Variants in PARN observed in about 807,000 individuals in gnomAD.
The protein encoded by PARN is poly(A)-specific ribonuclease PARN.
Under a neutral mutation model 102.8 loss-of-function variants are expected in PARN, and 71 were observed. The ratio of observed to expected loss-of-function variants is 0.69; its 90% CI spans 0.57 to 0.84. PARN has a LOEUF of 0.84. Among genes scored for constraint, PARN ranks in the 40% least tolerant of loss-of-function variants. The pLI, the probability that PARN is intolerant of heterozygous loss-of-function variation, is 0.00. For synonymous variants in PARN, 261 were observed against 252.9 expected (o/e 1.03, Z -0.30); for missense variants, 782 against 760.9 (o/e 1.03, Z -0.33).
intron 1 of PARN, 26 bp downstream of exon 1, chr16:14,630,081 C>A (rs911453321): frequency 2.6e-6 from 4 of 1,550,446 alleles, no homozygotes; most frequent in Non-Finnish European, 3.5e-6. Context: ...TGTGGGGAGG[C>A]GGGGAGGTGT....
At position 14,582,271 on chromosome 16, in the gene PARN, T is replaced by C. The variant is rs138984302; in HGVS notation, c.1102A>G (p.Ser368Gly). 2 of 1,613,396 alleles carry C rather than the reference T, an allele frequency of 1.2e-6. No individual in the cohort carries two copies. Among genetic ancestry groups the C allele is most frequent in the Admixed American group, 1.7e-5 (1 of 60,000 alleles). The change falls in exon 17 of 24, where the codon AGT becomes GGT. Residue 368 changes from serine (S) to glycine (G), a missense_variant. Physicochemically the swap from Ser to Gly is moderately conservative, Grantham distance 56 (BLOSUM62 0). Transcript: ENST00000437198. Reference protein sequence around the residue: ...PKVESAEGFPSYDTASEQLHE... With the variant: ...PKVESAEGFPGYDTASEQLHE... ...AGTTGTTCAGAGGCTGTGTCATAAC[T>C]TGGAAAACCTTCGGCACTTTCTAAG...
chr16:14,560,502 T>C (rs1201354594), intron 18 of PARN, among the ~76,000 whole-genome samples: 1 of 152,224 alleles, frequency 6.6e-6, no homozygotes, highest in Non-Finnish European at 1.5e-5. Context: ...TTAAATACAA[T>C]GGCTAATTTT....
intron 18 of PARN, among the ~76,000 whole-genome samples, chr16:14,578,367 G>C (rs1969289847): frequency 1.4e-5 from 2 of 140,768 alleles, no homozygotes; most frequent in Admixed American, 7.3e-5. Flanking sequence ...AATAAAAACA[G>C]TTCTTGGCTA....
chr16:14,504,330 T>C (rs1051152067), intron 21 of PARN, among the ~76,000 whole-genome samples: 4 of 151,892 alleles, frequency 2.6e-5, no homozygotes, highest in African/African-American at 9.7e-5. Flanking sequence ...GCGACCGAGG[T>C]GGGTGAATCA....
chr16:14,531,899 T>TA (rs35330393), intron 21 of PARN, among the ~76,000 whole-genome samples: 3,143 of 108,930 alleles, frequency 0.029, 49 homozygotes, highest in Non-Finnish European at 0.044. Flanking sequence ...CCCATTTCTT[T>TA]AAAAAAAAAA....
Position 14,629,627 on chromosome 16 carries a change from C to T in PARN, c.67G>A (p.Asp23Asn). The T allele has an allele frequency of 6.2e-7, 1 of 1,613,518 alleles. No homozygotes were observed. The highest frequency in any genetic ancestry group is 8.5e-7 in the Non-Finnish European group (1 of 1,179,394). Residue 23 changes from aspartate to asparagine, a missense_variant, in exon 2 of 24, where the codon GAC (aspartate) becomes AAC (asparagine). By Grantham distance (23) the Asp-to-Asn change is conservative (BLOSUM62 1). Coordinates refer to ENST00000437198, the MANE Select transcript of PARN (RefSeq NM_002582.4). Reference sequence around the variant, plus strand: ...AACTCCCCATCGATGGCGAAGAAGTCGGCCTCCTCTATGGCCTGGTACACT... The same window carrying T: ...AACTCCCCATCGATGGCGAAGAAGTTGGCCTCCTCTATGGCCTGGTACACT... ...HKVYQAIEEA[D>N]FFAIDGEFSG...
intron 22 of PARN, among the ~76,000 whole-genome samples, chr16:14,466,451 C>T (rs1404521687): frequency 1.3e-5 from 2 of 152,144 alleles, no homozygotes; most frequent in Non-Finnish European, 2.9e-5. Context: ...AGCTCTGTTA[C>T]GATTTGGCTT....
At chr16:14,602,535 T>G (rs1437453735) in intron 11 of PARN, among the ~76,000 whole-genome samples, 1 of 152,134 alleles carries the variant, frequency 6.6e-6, no homozygotes, top group African/African-American at 2.4e-5. Context: ...CTTTTTCCAC[T>G]CTGGGGGAAC....
chr16:14,619,770 T>TAA (rs912560090), intron 5 of PARN, among the ~76,000 whole-genome samples: 1 of 144,424 alleles, frequency 6.9e-6, no homozygotes, highest in Admixed American at 6.9e-5. Flanking sequence ...CTCTGCCTCT[T>TAA]AAAAAAAAAA....
intron 14 of PARN, among the ~76,000 whole-genome samples, chr16:14,586,056 T>C (rs1969835812): frequency 6.6e-6 from 1 of 150,512 alleles, no homozygotes; most frequent in South Asian, 2.1e-4. Context: ...TATGGCTCAC[T>C]GCAACCTGGA....
At chr16:14,544,058 G>A (rs1014492731) in intron 21 of PARN, among the ~76,000 whole-genome samples, 1 of 152,160 alleles carries the variant, frequency 6.6e-6, no homozygotes. Context: ...CAGGCATGGG[G>A]GTGCATGCCT....
chr16:14,600,291 C>T (rs1431750736), intron 11 of PARN, among the ~76,000 whole-genome samples: 1 of 152,196 alleles, frequency 6.6e-6, no homozygotes, highest in African/African-American at 2.4e-5. Context: ...TAAAAAGTTG[C>T]CACCTGCAGG....
chr16:14,449,869 C>T (rs1362813055), intron 22 of PARN, among the ~76,000 whole-genome samples: 1 of 152,152 alleles, frequency 6.6e-6, no homozygotes, highest in East Asian at 1.9e-4. Flanking sequence ...GAAATGGGTC[C>T]TTTCTCACAT....
chr16:14,563,146 T>G (rs1368532065), intron 18 of PARN, among the ~76,000 whole-genome samples: 1 of 152,234 alleles, frequency 6.6e-6, no homozygotes, highest in African/African-American at 2.4e-5. Context: ...TTTCAAATTC[T>G]ACATTACCAA....
intron 18 of PARN, among the ~76,000 whole-genome samples, chr16:14,567,114 T>C (rs1249595943): frequency 4.6e-5 from 7 of 152,216 alleles, no homozygotes; most frequent in African/African-American, 1.7e-4. Flanking sequence ...ATGGAGATTC[T>C]TTTTATCATG....
intron 21 of PARN, among the ~76,000 whole-genome samples, chr16:14,520,975 A>T (rs1965703894): frequency 6.6e-6 from 1 of 152,192 alleles, no homozygotes; most frequent in African/African-American, 2.4e-5. Flanking sequence ...CCCTCAGAGC[A>T]TGGAGGAGAC....
chr16:14,551,485 C>T (rs1391644879), intron 21 of PARN, among the ~76,000 whole-genome samples: 1 of 152,000 alleles, frequency 6.6e-6, no homozygotes, highest in African/African-American at 2.4e-5. Flanking sequence ...AGGAGAAGTG[C>T]TTGAACCCGA....
chr16:14,607,785 G>T (rs1971284169), intron 9 of PARN, among the ~76,000 whole-genome samples: 1 of 152,152 alleles, frequency 6.6e-6, no homozygotes, highest in African/African-American at 2.4e-5. Context: ...ATGTCCACCT[G>T]TCTATGTCAA....
At chr16:14,579,875 C>T (rs1232494700) in intron 18 of PARN, among the ~76,000 whole-genome samples, 1 of 151,858 alleles carries the variant, frequency 6.6e-6, no homozygotes, top group Non-Finnish European at 1.5e-5. Flanking sequence ...ACTCCATAGG[C>T]TGCAGCAGGA....
Sources: gnomAD v4.1 joint callset for allele counts (sites outside exome capture counted in the v4.1 genomes callset) on GRCh38, gnomAD v4.1.1 for gene constraint, MANE v1.5 for transcripts, NCBI Gene and HGNC (gene_info 2026-07-23, HGNC 2026-07-21) for gene names.